CACUL1: variants seen among roughly 807,000 people sequenced by gnomAD.
CACUL1 encodes CDK2-associated and cullin domain-containing protein 1.
CACUL1 carries 13 observed loss-of-function variants against 45.2 expected under a neutral mutation model. The ratio of observed to expected loss-of-function variants is 0.29; its 90% CI spans 0.19 to 0.46. CACUL1 has a LOEUF of 0.46. Among genes scored for constraint, CACUL1 ranks in the 20% least tolerant of loss-of-function variants. The pLI, the probability that CACUL1 is intolerant of heterozygous loss-of-function variation, is 1.00. For missense variants in CACUL1, 421 were observed against 471.4 expected, an observed-to-expected ratio of 0.89 and a Z score of 0.99; for synonymous variants, 197 against 174.2, an observed-to-expected ratio of 1.13 and a Z score of -1.03.
intron 1 of CACUL1, among the ~76,000 whole-genome samples, chr10:118,747,296 T>A (rs1845853496): frequency 6.6e-6 from 1 of 152,178 alleles, no homozygotes; most frequent in Non-Finnish European, 1.5e-5. Flanking sequence ...ACTGGAGCTG[T>A]CATATACAGC....
At chr10:118,745,227 T>G (rs976806591) in intron 1 of CACUL1, among the ~76,000 whole-genome samples, 1 of 151,928 alleles carries the variant, frequency 6.6e-6, no homozygotes, top group African/African-American at 2.4e-5. Flanking sequence ...TAAGCCAAAC[T>G]GGAGACAAAA....
At position 118,686,558 on chromosome 10, in the gene CACUL1, TCACAGAACCATCAA is replaced by T. The variant is rs769218557; in HGVS notation, c.1069+26_1069+39del. The T allele has an allele frequency of 1.3e-5, 19 of 1,511,096 alleles. No homozygotes were observed. In the South Asian group the frequency reaches 2.1e-4, roughly 17 times the overall value. The allele number at this position is 1,511,096 out of a possible 1,614,324, so 93.6% of individuals were successfully genotyped here. A position where few individuals can be genotyped will look rare whatever the true frequency, so the allele number is the denominator to read the frequency against. ...AGTGCATTAATATGGCTGCTTTACA[TCACAGAACCATCAA>T]GATGGGAAGGAACATCATTACTTAC... is the stretch of plus-strand genomic sequence containing the variant. On this transcript the variant is annotated intron_variant, in intron 8 of 8. Coordinates refer to ENST00000369151, the MANE Select transcript of CACUL1 (RefSeq NM_153810.5).
At chr10:118,731,681 G>C (rs774663117) in intron 1 of CACUL1, among the ~76,000 whole-genome samples, 1 of 152,168 alleles carries the variant, frequency 6.6e-6, no homozygotes, top group Non-Finnish European at 1.5e-5. Flanking sequence ...TGGTCGACAG[G>C]GGCTGGAAGG....
chr10:118,744,203 T>C (rs1210691569), intron 1 of CACUL1, among the ~76,000 whole-genome samples: 1 of 152,144 alleles, frequency 6.6e-6, no homozygotes, highest in Non-Finnish European at 1.5e-5. Context: ...CTGGCCAACA[T>C]GGCAGAAACC....
chr10:118,700,469 G>GC (rs1290911907), intron 5 of CACUL1, among the ~76,000 whole-genome samples: 1 of 152,116 alleles, frequency 6.6e-6, no homozygotes, highest in East Asian at 1.9e-4. Flanking sequence ...TGTAATCCCA[G>GC]CACTTTGGGA....
intron 1 of CACUL1, among the ~76,000 whole-genome samples, chr10:118,744,714 G>C (rs1845825594): frequency 1.3e-5 from 2 of 152,166 alleles, no homozygotes; most frequent in Admixed American, 1.3e-4. Context: ...GGAGTGCAAT[G>C]ATGCGGTCTC....
At chr10:118,754,263 C>G (rs1845930065) in intron 1 of CACUL1, 133 bp downstream of exon 1, 2 of 1,334,944 alleles carry the variant, frequency 1.5e-6, no homozygotes, top group Non-Finnish European at 9.9e-7. Flanking sequence ...GGCAGGGAGG[C>G]GAAGGCGGAC....
intron 6 of CACUL1, chr10:118,693,533 A>G (rs1447369371): frequency 3.2e-5 from 10 of 308,210 alleles, no homozygotes; most frequent in Non-Finnish European, 5.2e-5. Flanking sequence ...ATTTAGATAA[A>G]CATGTACCCA....
At chr10:118,697,648 T>C (rs1355347277) in intron 5 of CACUL1, among the ~76,000 whole-genome samples, 1 of 152,248 alleles carries the variant, frequency 6.6e-6, no homozygotes, top group African/African-American at 2.4e-5. Flanking sequence ...AAAATACTCT[T>C]GGCTTCAAAA....
In CACUL1 at chr10:118,706,292, C is replaced by T. The variant is rs144012332; in HGVS notation, c.693+1200G>A. Among the ~76,000 whole-genome samples the T allele has an allele frequency of 6.2e-3, 946 of 152,314 alleles. 8 individuals are homozygous for T. Among genetic ancestry groups the T allele is most frequent in the Non-Finnish European group, 9.6e-3 (650 of 68,020 alleles). ...GAAACCTATTTACCCAGCCTTAATT[C>T]CTTTATCCACAAATAGGCCCTGTCT... is the stretch of plus-strand genomic sequence containing the variant. On this transcript the variant is annotated intron_variant, in intron 4 of 8. Transcript: ENST00000369151.
rs1457622737 is a variant in CACUL1 at position 118,681,812 on chromosome 10, G to A, written c.*4316C>T. 6.6e-6 allele frequency: 1 copy of A among 152,282 alleles called. No individual in the cohort carries two copies. Among genetic ancestry groups the A allele is most frequent in the African/African-American group, 2.4e-5 (1 of 41,428 alleles). 9.4% of individuals were successfully genotyped at this position (152,282 alleles called of 1,614,324 possible). On this transcript the variant is annotated 3_prime_UTR_variant, in exon 9 of 9. Coordinates refer to ENST00000369151, the MANE Select transcript of CACUL1 (RefSeq NM_153810.5). ...GGGTCAAGGTGGGTCTTGGCCAGTG[G>A]AGGAAGGAAGGTGTCCAGGACTTTA...
intron 5 of CACUL1, among the ~76,000 whole-genome samples, chr10:118,697,225 TATC>T (rs1337745421): frequency 6.6e-6 from 1 of 152,230 alleles, no homozygotes; most frequent in East Asian, 1.9e-4. Flanking sequence ...TCACAAGCTT[TATC>T]ATCTACCTTT....
intron 7 of CACUL1, among the ~76,000 whole-genome samples, chr10:118,690,304 T>A: frequency 2.7e-5 from 1 of 37,366 alleles, no homozygotes; most frequent in African/African-American, 1.7e-4. Context: ...CGAGACTCCG[T>A]CTCAAAAAAA....
intron 1 of CACUL1, among the ~76,000 whole-genome samples, chr10:118,734,312 T>C (rs1845722442): frequency 2.6e-5 from 4 of 152,224 alleles, no homozygotes. Context: ...TTTCAATGTA[T>C]ATTATACGTG....
chr10:118,686,234 GT>G, intron 8 of CACUL1, 66 bp from the exon 9 acceptor site: 1 of 1,325,762 alleles, frequency 7.5e-7, no homozygotes, highest in Non-Finnish European at 1.1e-6. Context: ...GCAGGAATCT[GT>G]TTATTCAACA....
intron 1 of CACUL1, among the ~76,000 whole-genome samples, chr10:118,737,774 G>A (rs1845753841): frequency 6.6e-6 from 1 of 150,964 alleles, no homozygotes; most frequent in South Asian, 2.1e-4. Context: ...ATACAACACT[G>A]TTCTACCATT....
chr10:118,728,815 C>T (rs1410995071), intron 3 of CACUL1, among the ~76,000 whole-genome samples: 1 of 151,956 alleles, frequency 6.6e-6, no homozygotes, highest in Admixed American at 6.6e-5. Context: ...TGCAACCTGC[C>T]CCAGATTTTA....
chr10:118,734,611 G>C (rs1008382414), intron 1 of CACUL1, among the ~76,000 whole-genome samples: 1 of 152,196 alleles, frequency 6.6e-6, no homozygotes, highest in African/African-American at 2.4e-5. Flanking sequence ...AAGTAAAGCA[G>C]GCCTGGTGCA....
chr10:118,745,601 A>T (rs962505759), intron 1 of CACUL1, among the ~76,000 whole-genome samples: 1 of 152,166 alleles, frequency 6.6e-6, no homozygotes, highest in Non-Finnish European at 1.5e-5. Context: ...ACATTTTTTA[A>T]ATAACAGATG....
Sources: gnomAD v4.1 joint callset for allele counts (sites outside exome capture counted in the v4.1 genomes callset) on GRCh38, gnomAD v4.1.1 for gene constraint, MANE v1.5 for transcripts, NCBI Gene and HGNC (gene_info 2026-07-23, HGNC 2026-07-21) for gene names.